The following ITPR1 variants were observed in gnomAD, a reference collection of about 807,000 sequenced individuals.
ITPR1 encodes inositol 1,4,5-trisphosphate-gated calcium channel ITPR1.
In ITPR1, 96 loss-of-function variants were observed where a neutral mutation model predicts 318.4. That is an observed-to-expected ratio of 0.30 (90% confidence interval 0.26 to 0.36). ITPR1 has a LOEUF of 0.36. ITPR1 is among the 10% of genes least tolerant of loss of function. The pLI is 1.00. For missense variants in ITPR1, 2,440 were observed against 3,460.2 expected (o/e 0.71, Z 7.40); for synonymous variants, 1,312 against 1,289.9 (o/e 1.02, Z -0.37).
At chr3:4,549,694 CT>C (rs1449967458) in intron 4 of ITPR1, among the ~76,000 whole-genome samples, 1 of 152,110 alleles carries the variant, frequency 6.6e-6, no homozygotes. Flanking sequence ...GTCTTGGGTT[CT>C]TCATCTTGGG....
At chr3:4,713,049 G>C (rs1384991942) in intron 39 of ITPR1, among the ~76,000 whole-genome samples, 1 of 152,174 alleles carries the variant, frequency 6.6e-6, no homozygotes, top group Non-Finnish European at 1.5e-5. Flanking sequence ...TACCTGTATA[G>C]GCACCTAGTA....
chr3:4,609,644 G>A (rs1159211739), intron 4 of ITPR1, among the ~76,000 whole-genome samples: 1 of 151,838 alleles, frequency 6.6e-6, no homozygotes, highest in South Asian at 2.1e-4. Flanking sequence ...GGGTCACAAC[G>A]TATTCAATGG....
At chr3:4,704,429 C>T (rs1201984146) in intron 36 of ITPR1, among the ~76,000 whole-genome samples, 6 of 152,068 alleles carry the variant, frequency 3.9e-5, no homozygotes, top group Admixed American at 6.5e-5. Context: ...ACAAAAAAAT[C>T]CCTACCTGTT....
rs531256887 is a variant in ITPR1, at chr3:4,689,097, A to C, written c.3828+477A>C. Among the ~76,000 whole-genome samples, 3 of 152,350 alleles carry C rather than the reference A, an allele frequency of 2.0e-5. No individual in the cohort carries two copies. In the East Asian group the frequency reaches 5.8e-4, roughly 29 times the overall value. The stretch of plus-strand genomic sequence containing the variant: ...GTAAAGAAAAATGATGCCACACTCT[A>C]TGCATTGTCTTGTGTTCTGCTTTTT... On this transcript the variant is annotated intron_variant, in intron 31 of 61. Transcript: ENST00000649015.
chr3:4,618,923 A>G (rs749316870), intron 4 of ITPR1, among the ~76,000 whole-genome samples: 3 of 152,216 alleles, frequency 2.0e-5, no homozygotes, highest in Non-Finnish European at 4.4e-5. Flanking sequence ...ACAACCACAC[A>G]ACTATTTAAA....
At chr3:4,782,886 C>T (rs962611354) in intron 50 of ITPR1, 145 bp downstream of exon 50, 17 of 654,342 alleles carry the variant, frequency 2.6e-5, no homozygotes, top group East Asian at 2.4e-4. Flanking sequence ...CACAGGTGCT[C>T]GTGGCAACCT....
At chr3:4,608,991 A>C (rs2091890745) in intron 4 of ITPR1, among the ~76,000 whole-genome samples, 1 of 121,494 alleles carries the variant, frequency 8.2e-6, no homozygotes, top group Non-Finnish European at 1.6e-5. Flanking sequence ...ACAGAGTGAG[A>C]CTCCGTCTTT....
At position 4,818,073 on chromosome 3, in the gene ITPR1, C is replaced by T. The variant is rs1462955667; in HGVS notation, c.7868-9C>T. On this transcript the variant is annotated splice_polypyrimidine_tract_variant and intron_variant, in intron 59 of 61. Coordinates refer to ENST00000649015, the MANE Select transcript of ITPR1 (RefSeq NM_001378452.1). ...AGCTGGGGCTGGGGGCTTTTTGTCT[C>T]ATTTTTAGGCTTGGAAAGAGACAAG... is the stretch of plus-strand genomic sequence containing the variant. 1.3e-6 allele frequency: 2 copies of T among 1,591,168 alleles called. No homozygotes were observed. Among genetic ancestry groups the T allele is most frequent in the East Asian group, 2.3e-5 (1 of 44,380 alleles).
chr3:4,496,429 A>G (rs2080577999), intron 2 of ITPR1, among the ~76,000 whole-genome samples: 1 of 152,218 alleles, frequency 6.6e-6, no homozygotes, highest in Non-Finnish European at 1.5e-5. Flanking sequence ...TCAGGCAGGG[A>G]AAGTTCTTCA....
chr3:4,766,214 G>T (rs2045807776), intron 44 of ITPR1, among the ~76,000 whole-genome samples: 3 of 152,166 alleles, frequency 2.0e-5, no homozygotes, highest in Admixed American at 2.0e-4. Context: ...TAACAGTGTT[G>T]TTTTGCGTGT....
chr3:4,611,561 AAAATAAATAAAT>A (rs372628182), intron 4 of ITPR1, among the ~76,000 whole-genome samples: 28 of 142,552 alleles, frequency 2.0e-4, no homozygotes, highest in African/African-American at 2.9e-4. Context: ...CTCTCTCTCA[AAAATAAATAAAT>A]AAATAAATAA....
chr3:4,532,797 A>G (rs554882612), intron 4 of ITPR1, among the ~76,000 whole-genome samples: 197 of 152,354 alleles, frequency 1.3e-3, no homozygotes, highest in African/African-American at 4.6e-3. Flanking sequence ...GCAATAGAGA[A>G]TGAGGGCTAG....
chr3:4,583,509 G>A (rs927770074), intron 4 of ITPR1, among the ~76,000 whole-genome samples: 4 of 152,132 alleles, frequency 2.6e-5, no homozygotes, highest in Admixed American at 1.3e-4. Context: ...TTTTCCGTTT[G>A]TAGTTTCTCA....
At chr3:4,835,007 T>C (rs894780389) in intron 60 of ITPR1, among the ~76,000 whole-genome samples, 1 of 152,224 alleles carries the variant, frequency 6.6e-6, no homozygotes, top group African/African-American at 2.4e-5. Flanking sequence ...CATATCATTC[T>C]GTCCTTCCAC....
chr3:4,549,823 C>A (rs1259546865), intron 4 of ITPR1, among the ~76,000 whole-genome samples: 2 of 152,158 alleles, frequency 1.3e-5, no homozygotes, highest in Non-Finnish European at 2.9e-5. Flanking sequence ...TCTGCATATT[C>A]TCCCATGGAG....
At chr3:4,721,172 G>GTGTATATATATATATATATATATATATA (rs1356149562) in intron 40 of ITPR1, among the ~76,000 whole-genome samples, 1 of 125,076 alleles carries the variant, frequency 8.0e-6, no homozygotes, top group African/African-American at 3.6e-5. Flanking sequence ...GTGTGTGCGT[G>GTGTATATATATATATATATATATATATA]TATATATATA....
intron 40 of ITPR1, among the ~76,000 whole-genome samples, chr3:4,719,735 G>C (rs929228963): frequency 6.6e-6 from 1 of 152,222 alleles, no homozygotes; most frequent in African/African-American, 2.4e-5. Flanking sequence ...GGTGAAATGA[G>C]GACACAGGTG....
At chr3:4,665,065 A>G in intron 16 of ITPR1, 73 bp from the exon 17 acceptor site, 3 of 1,527,182 alleles carry the variant, frequency 2.0e-6, no homozygotes, top group Non-Finnish European at 2.7e-6. Flanking sequence ...TTGAGCTTGC[A>G]TTACTTCCAA....
intron 59 of ITPR1, among the ~76,000 whole-genome samples, chr3:4,816,587 A>G (rs1035641383): frequency 9.2e-5 from 14 of 152,154 alleles, no homozygotes; most frequent in African/African-American, 2.9e-4. Flanking sequence ...GGATTTCACT[A>G]TGTTGCTGAG....
Sources: gnomAD v4.1 joint callset for allele counts (sites outside exome capture counted in the v4.1 genomes callset) on GRCh38, gnomAD v4.1.1 for gene constraint, MANE v1.5 for transcripts, NCBI Gene and HGNC (gene_info 2026-07-23, HGNC 2026-07-21) for gene names.